CACNA2D3: variants seen among roughly 807,000 people sequenced by gnomAD.
CACNA2D3 encodes the protein calcium voltage-gated channel auxiliary subunit alpha2delta 3, also known as voltage-dependent calcium channel subunit alpha-2/delta-3.
A neutral mutation model predicts 160.6 loss-of-function variants in CACNA2D3; 60 were observed. The ratio of observed to expected loss-of-function variants is 0.37; its 90% CI spans 0.30 to 0.46. CACNA2D3 has a LOEUF of 0.46. CACNA2D3 is among the 20% of genes least tolerant of loss of function. The probability of loss-of-function intolerance (pLI) is 1.00; values close to 1 mark genes in which losing one functional copy is unlikely to be tolerated. For synonymous variants in CACNA2D3, 558 were observed against 492.9 expected, an observed-to-expected ratio of 1.13 and a Z score of -1.75; for missense variants, 1,205 against 1,365.0, an observed-to-expected ratio of 0.88 and a Z score of 1.85.
rs933309507 is a variant in CACNA2D3 at position 54,826,642 on chromosome 3, C to T, written c.1398+9772C>T. Among the ~76,000 whole-genome samples the T allele has an allele frequency of 1.3e-5, 2 of 152,152 alleles. 1 individual carries two copies. The highest frequency in any genetic ancestry group is 4.1e-4 in the South Asian group (2 of 4,828). On this transcript the variant is annotated intron_variant, in intron 14 of 37. Coordinates refer to ENST00000474759, the MANE Select transcript of CACNA2D3 (RefSeq NM_018398.3). ...GGTACTTCTGAAGCATCTGTCCCTTCTTCCCAGACTCCCTTCCTCTATAAC... is the reference window on the plus strand; with the variant it reads ...GGTACTTCTGAAGCATCTGTCCCTTTTTCCCAGACTCCCTTCCTCTATAAC...
intron 4 of CACNA2D3, among the ~76,000 whole-genome samples, chr3:54,432,320 CTTG>C (rs1427433840): frequency 2.0e-5 from 3 of 152,044 alleles, no homozygotes; most frequent in Non-Finnish European, 4.4e-5. Flanking sequence ...AAACAATGAT[CTTG>C]TTATTATTAT....
At chr3:54,514,413 G>C (rs1241850664) in intron 5 of CACNA2D3, among the ~76,000 whole-genome samples, 1 of 152,214 alleles carries the variant, frequency 6.6e-6, no homozygotes, top group African/African-American at 2.4e-5. Flanking sequence ...GGCATTTGCA[G>C]AACTGGGTTC....
At chr3:54,812,212 C>T (rs1703336210) in intron 13 of CACNA2D3, among the ~76,000 whole-genome samples, 1 of 152,182 alleles carries the variant, frequency 6.6e-6, no homozygotes, top group African/African-American at 2.4e-5. Flanking sequence ...CGACTGAAGC[C>T]ATTTAACTGC....
chr3:54,682,364 C>T lies in CACNA2D3; in HGVS notation c.1167+40123C>T, dbSNP rs376143756. ...GAATTAGCCCGGGCGTGGTGGCTCACGCCTGTAATCCCAGCACTTTGGGAG... is the reference window on the plus strand; with the variant it reads ...GAATTAGCCCGGGCGTGGTGGCTCATGCCTGTAATCCCAGCACTTTGGGAG... On this transcript the variant is annotated intron_variant, in intron 11 of 37. Transcript: ENST00000474759. 4.3e-4 allele frequency among the ~76,000 whole-genome samples: 66 copies of T among 152,262 alleles called. 1 individual carries two copies. Among genetic ancestry groups the T allele is most frequent in the Non-Finnish European group, 6.5e-4 (44 of 68,020 alleles).
intron 30 of CACNA2D3, among the ~76,000 whole-genome samples, chr3:54,987,468 C>G (rs1400955378): frequency 6.6e-6 from 1 of 152,116 alleles, no homozygotes; most frequent in Non-Finnish European, 1.5e-5. Flanking sequence ...TTACGCAGCC[C>G]CCTCCCACGT....
chr3:54,979,939 A>G (rs890928474), intron 29 of CACNA2D3, among the ~76,000 whole-genome samples: 11 of 152,228 alleles, frequency 7.2e-5, no homozygotes, highest in Non-Finnish European at 1.6e-4. Context: ...TGTGGCATCC[A>G]AATCTTACAT....
chr3:54,732,228 A>G (rs1210438710), intron 11 of CACNA2D3, among the ~76,000 whole-genome samples: 1 of 152,268 alleles, frequency 6.6e-6, no homozygotes, highest in Non-Finnish European at 1.5e-5. Flanking sequence ...CGAAGCACAC[A>G]GGGCAGAATG....
At chr3:54,419,914 C>G (rs1006869144) in intron 4 of CACNA2D3, among the ~76,000 whole-genome samples, 8 of 151,960 alleles carry the variant, frequency 5.3e-5, no homozygotes, top group Non-Finnish European at 8.8e-5. Context: ...TACAGGTGCG[C>G]GCCACCATGC....
At chr3:54,404,302 C>T (rs1472579839) in intron 4 of CACNA2D3, among the ~76,000 whole-genome samples, 5 of 152,080 alleles carry the variant, frequency 3.3e-5, no homozygotes, top group African/African-American at 7.2e-5. Context: ...ACATCATGAT[C>T]GAGAGAGATG....
At chr3:54,626,249 G>A (rs595993) in intron 9 of CACNA2D3, 614,473 of 1,158,430 alleles carry the variant, frequency 0.53, 165,771 homozygotes, top group African/African-American at 0.76. Flanking sequence ...CAGACCTTCC[G>A]CAGGTTCACC....
chr3:54,390,035 A>C (rs1406450794), intron 4 of CACNA2D3, among the ~76,000 whole-genome samples: 1 of 152,172 alleles, frequency 6.6e-6, no homozygotes, highest in Non-Finnish European at 1.5e-5. Flanking sequence ...GAGAGTGAGA[A>C]ACATTATTGG....
In CACNA2D3 at chr3:54,637,904, C is replaced by T. The variant is rs368938074; in HGVS notation, c.1054-4224C>T. On this transcript the variant is annotated intron_variant, in intron 10 of 37. Coordinates refer to ENST00000474759, the MANE Select transcript of CACNA2D3 (RefSeq NM_018398.3). Reference sequence around the variant, plus strand: ...CTTAGGAGGAATCCCGGGCTGCGGGCGTTCCTTGGCCCAGTGGCCAGATTT... The same window carrying T: ...CTTAGGAGGAATCCCGGGCTGCGGGTGTTCCTTGGCCCAGTGGCCAGATTT... 6 of 152,148 alleles carry T rather than the reference C, an allele frequency of 3.9e-5. No individual in the cohort carries two copies. In the East Asian group the frequency reaches 7.7e-4, roughly 20 times the overall value. 9.4% of individuals were successfully genotyped at this position (152,148 alleles called of 1,614,324 possible). A position where few individuals can be genotyped will look rare whatever the true frequency, so the allele number is the denominator to read the frequency against.
intron 13 of CACNA2D3, among the ~76,000 whole-genome samples, chr3:54,794,853 G>A (rs1702836384): frequency 6.6e-6 from 1 of 151,918 alleles, no homozygotes; most frequent in African/African-American, 2.4e-5. Flanking sequence ...GTTTTCAGCA[G>A]TATTACACAG....
At chr3:54,961,023 T>C (rs1169924412) in intron 27 of CACNA2D3, among the ~76,000 whole-genome samples, 1 of 152,178 alleles carries the variant, frequency 6.6e-6, no homozygotes, top group Non-Finnish European at 1.5e-5. Context: ...AAAAATGACA[T>C]TCAGATTCGT....
intron 6 of CACNA2D3, among the ~76,000 whole-genome samples, chr3:54,563,330 A>C (rs937833561): frequency 2.0e-5 from 3 of 152,220 alleles, no homozygotes; most frequent in Admixed American, 1.3e-4. Context: ...TTAAATTCTC[A>C]CTAACAGGTA....
At chr3:54,403,158 C>A (rs1021165690) in intron 4 of CACNA2D3, among the ~76,000 whole-genome samples, 2 of 151,720 alleles carry the variant, frequency 1.3e-5, no homozygotes, top group African/African-American at 2.4e-5. Context: ...GAGTTCGAGA[C>A]CAGCTTGGGC....
At chr3:54,821,292 G>T (rs1337429588) in intron 14 of CACNA2D3, among the ~76,000 whole-genome samples, 1 of 152,182 alleles carries the variant, frequency 6.6e-6, no homozygotes, top group Non-Finnish European at 1.5e-5. Context: ...TCAGGGCTGC[G>T]CAGTATGGCA....
At chr3:54,601,118 A>G (rs1703052386) in intron 9 of CACNA2D3, among the ~76,000 whole-genome samples, 2 of 152,008 alleles carry the variant, frequency 1.3e-5, no homozygotes. Context: ...TGACTTATTT[A>G]CTTTCTGAAA....
At chr3:54,435,210 CCTGCCCTTTG>C (rs1231783307) in intron 4 of CACNA2D3, among the ~76,000 whole-genome samples, 1 of 152,146 alleles carries the variant, frequency 6.6e-6, no homozygotes, top group Non-Finnish European at 1.5e-5. Context: ...ACTCCACTCC[CCTGCCCTTTG>C]GGGTCAGTAA....
Sources: gnomAD v4.1 joint callset for allele counts (sites outside exome capture counted in the v4.1 genomes callset) on GRCh38, gnomAD v4.1.1 for gene constraint, MANE v1.5 for transcripts, NCBI Gene and HGNC (gene_info 2026-07-23, HGNC 2026-07-21) for gene names.